OTOGL: variants seen among roughly 807,000 people sequenced by gnomAD.
OTOGL encodes otogelin-like protein.
Under a neutral mutation model 318.5 loss-of-function variants are expected in OTOGL, and 285 were observed. The observed-to-expected ratio is 0.89, with a 90% confidence interval of 0.81 to 0.99. The LOEUF (loss-of-function observed/expected upper bound fraction) is 0.99, where lower values mean the gene tolerates loss of function less well. OTOGL is among the 50% of genes least tolerant of loss of function. The pLI is 0.00. For synonymous variants in OTOGL, 987 were observed against 936.5 expected (o/e 1.05, Z -0.99); for missense variants, 2,899 against 2,845.6 (o/e 1.02, Z -0.43).
chr12:80,153,692 G>T (rs1019573616), intron 1 of OTOGL, among the ~76,000 whole-genome samples: 1 of 152,048 alleles, frequency 6.6e-6, no homozygotes, highest in African/African-American at 2.4e-5. Context: ...AAAATCCTCT[G>T]TGCTCCGCCT....
chr12:80,214,626 G>C (rs1361227772), intron 4 of OTOGL, among the ~76,000 whole-genome samples: 4 of 152,272 alleles, frequency 2.6e-5, no homozygotes, highest in Middle Eastern at 6.8e-3. Context: ...ACACCCTTGG[G>C]AGACAGATTC....
chr12:80,354,588 G>A (rs1324413919), intron 46 of OTOGL, among the ~76,000 whole-genome samples: 2 of 151,988 alleles, frequency 1.3e-5, no homozygotes, highest in Non-Finnish European at 2.9e-5. Flanking sequence ...TCTTCATTAC[G>A]ATCAAAAGAA....
rs151310075 is a variant in OTOGL, at chr12:80,370,165, G to A, written c.6616-405G>A. ...ACGTCTCAAGGAAGGAGGTATATAA[G>A]TAATATGATTTGTTGTTTTATAATT... is the stretch of plus-strand genomic sequence containing the variant. On this transcript the variant is annotated intron_variant, in intron 55 of 58. Transcript: ENST00000547103. 3.8e-3 allele frequency among the ~76,000 whole-genome samples: 576 copies of A among 152,042 alleles called. 4 individuals carry two copies. Among genetic ancestry groups the A allele is most frequent in the African/African-American group, 0.013 (540 of 41,542 alleles).
chr12:80,344,029 C>A (rs772233236), intron 44 of OTOGL, among the ~76,000 whole-genome samples: 10 of 152,126 alleles, frequency 6.6e-5, no homozygotes, highest in Non-Finnish European at 1.3e-4. Flanking sequence ...TGCTGCCCTA[C>A]GCGTTCCCTG....
At chr12:80,194,207 G>A (rs1397529795) in intron 1 of OTOGL, among the ~76,000 whole-genome samples, 1 of 152,170 alleles carries the variant, frequency 6.6e-6, no homozygotes, top group Non-Finnish European at 1.5e-5. Context: ...GTTTTTATAA[G>A]GAAATATGAA....
intron 1 of OTOGL, among the ~76,000 whole-genome samples, chr12:80,120,790 C>T (rs1045356794): frequency 5.3e-5 from 8 of 152,130 alleles, no homozygotes; most frequent in Non-Finnish European, 1.0e-4. Flanking sequence ...GGTTTATAGG[C>T]AGTGACAGAA....
intron 44 of OTOGL, among the ~76,000 whole-genome samples, chr12:80,346,408 G>C (rs1158832090): frequency 6.6e-6 from 1 of 152,092 alleles, no homozygotes; most frequent in East Asian, 1.9e-4. Context: ...AAAAGGGAGG[G>C]TCATGACAAT....
At position 80,356,806 on chromosome 12, in the gene OTOGL, G is replaced by T; in HGVS notation, c.5912-1G>T. 1 of 1,583,544 alleles carries T rather than the reference G, an allele frequency of 6.3e-7. No individual in the cohort carries two copies. Among genetic ancestry groups the T allele is most frequent in the Non-Finnish European group, 8.6e-7 (1 of 1,163,990 alleles). On this transcript the variant is annotated splice_acceptor_variant, in intron 48 of 58. Transcript: ENST00000547103. LOFTEE classifies it high-confidence loss of function. ...TTTCTAATGTAATTTTGTTTCTGCA[G>T]AATGTGACCCATTGAAATGCCCCAG... is the stretch of plus-strand genomic sequence containing the variant.
chr12:80,124,632 A>G (rs972475305), intron 1 of OTOGL, among the ~76,000 whole-genome samples: 6 of 152,220 alleles, frequency 3.9e-5, no homozygotes, highest in African/African-American at 1.2e-4. Flanking sequence ...CTTGGGCAAT[A>G]CGGCCATTTT....
At chr12:80,313,317 C>A (rs1442920423) in intron 30 of OTOGL, among the ~76,000 whole-genome samples, 159 bp from the exon 31 acceptor site, 1 of 152,032 alleles carries the variant, frequency 6.6e-6, no homozygotes, top group African/African-American at 2.4e-5. Context: ...TTTCTTTCTC[C>A]TTTGGGCAAT....
At chr12:80,221,975 A>T in intron 6 of OTOGL, 116 bp from the exon 7 acceptor site, 1 of 1,161,810 alleles carries the variant, frequency 8.6e-7, no homozygotes, top group Non-Finnish European at 1.2e-6. Context: ...TTCCTGTGTT[A>T]TAGACCAAGG....
At chr12:80,237,035 G>A (rs368193743) in intron 9 of OTOGL, among the ~76,000 whole-genome samples, 4 of 151,664 alleles carry the variant, frequency 2.6e-5, no homozygotes, top group South Asian at 2.1e-4. Context: ...GGCCAGTCTC[G>A]TACTCCTGGC....
At chr12:80,270,740 G>C (rs2137584872) in intron 23 of OTOGL, among the ~76,000 whole-genome samples, 1 of 152,140 alleles carries the variant, frequency 6.6e-6, no homozygotes, top group Non-Finnish European at 1.5e-5. Flanking sequence ...TATCCCTTCA[G>C]AATGTCATTT....
Position 80,372,041 on chromosome 12 carries a change from A to T in OTOGL, c.6758A>T (p.Tyr2253Phe), listed in dbSNP as rs1890906811. The T allele has an allele frequency of 6.4e-7, 1 of 1,557,240 alleles. No individual in the cohort carries two copies. Among genetic ancestry groups the T allele is most frequent in the Non-Finnish European group, 8.7e-7 (1 of 1,150,136 alleles). The stretch of plus-strand genomic sequence containing the variant: ...TAGAATGAAGGGATTGTGAAGCTTT[A>T]TAATGAAGGCTGTTGCAAGATCTGT... ...CKMNEGIVKL[Y>F]NEGCCKICKR... Residue 2253 changes from tyrosine (Y) to phenylalanine (F), a missense_variant, in exon 57 of 59, where the codon TAT becomes TTT. By Grantham distance (22) the Tyr-to-Phe change is conservative. This residue lies in a region of OTOGL where 289 missense variants were observed against 304.6 expected (regional missense o/e 0.95). Coordinates refer to ENST00000547103, the MANE Select transcript of OTOGL (RefSeq NM_001378609.3).
At chr12:80,290,305 T>C (rs913486046) in intron 26 of OTOGL, among the ~76,000 whole-genome samples, 1 of 151,962 alleles carries the variant, frequency 6.6e-6, no homozygotes, top group Non-Finnish European at 1.5e-5. Context: ...TTGGTCTCGG[T>C]GGGAGCTGCA....
chr12:80,307,476 C>G (rs571647211), intron 29 of OTOGL, among the ~76,000 whole-genome samples: 7 of 149,286 alleles, frequency 4.7e-5, no homozygotes, highest in Admixed American at 2.7e-4. Context: ...GGTGGCTGGC[C>G]GGGCAGAGGG....
At chr12:80,333,756 T>C (rs1256024870) in intron 38 of OTOGL, among the ~76,000 whole-genome samples, 1 of 152,120 alleles carries the variant, frequency 6.6e-6, no homozygotes, top group Non-Finnish European at 1.5e-5. Flanking sequence ...TTTGAAAATC[T>C]TCACTGATAA....
At chr12:80,236,766 T>C (rs1879884558) in intron 9 of OTOGL, among the ~76,000 whole-genome samples, 1 of 151,824 alleles carries the variant, frequency 6.6e-6, no homozygotes, top group Non-Finnish European at 1.5e-5. Context: ...TAGAAAGCCC[T>C]AGGATTCTTT....
chr12:80,169,857 A>G (rs1216104640), intron 1 of OTOGL, among the ~76,000 whole-genome samples: 2 of 152,180 alleles, frequency 1.3e-5, no homozygotes, highest in Non-Finnish European at 2.9e-5. Flanking sequence ...ATTCCTTGTA[A>G]TTGCTGAGTA....
Sources: allele counts gnomAD v4.1 joint callset (sites outside exome capture counted in the v4.1 genomes callset), GRCh38; gene constraint gnomAD v4.1.1; regional missense constraint gnomAD v4.1.1; transcripts MANE v1.5; gene names NCBI Gene and HGNC (gene_info 2026-07-23, HGNC 2026-07-21).